Variants in FRMD4A observed in about 807,000 individuals in gnomAD.
FRMD4A encodes the protein FERM domain-containing protein 4A.
FRMD4A carries 29 observed loss-of-function variants against 129.1 expected under a neutral mutation model. The ratio of observed to expected loss-of-function variants is 0.22; its 90% CI spans 0.17 to 0.31. The LOEUF is 0.31. Ranked by LOEUF, FRMD4A falls within the 10% of genes least tolerant of loss-of-function variation. FRMD4A has a pLI of 1.00. For missense variants in FRMD4A, 1,272 were observed against 1,375.8 expected (o/e 0.92, Z 1.19); for synonymous variants, 634 against 571.6 (o/e 1.11, Z -1.56).
chr10:13,659,557 GTT>G, intron 20 of FRMD4A, 67 bp from the exon 21 acceptor site: 1 of 1,479,184 alleles, frequency 6.8e-7, no homozygotes, highest in South Asian at 1.2e-5. Context: ...GGGCTGGCTA[GTT>G]CAGGACAATG....
chr10:13,973,869 TG>T (rs2095530790), intron 2 of FRMD4A, among the ~76,000 whole-genome samples: 1 of 146,134 alleles, frequency 6.8e-6, no homozygotes. Flanking sequence ...CTAACTGCAT[TG>T]GTATTTTCAT....
In FRMD4A at chr10:14,240,101, T is replaced by C. The variant is rs371556918; in HGVS notation, c.45+89957A>G. ...TAGAGTCTACTATGTTGATGGTTGC[T>C]AGAGTCACCATCCCAATACTGATGG... On this transcript the variant is annotated intron_variant, in intron 2 of 24. Coordinates refer to ENST00000357447, the MANE Select transcript of FRMD4A (RefSeq NM_018027.5). 7.2e-5 allele frequency among the ~76,000 whole-genome samples: 11 copies of C among 152,338 alleles called. No homozygotes were observed. The East Asian group carries it at 1.3e-3, about 19-fold the overall frequency.
chr10:13,815,936 T>C (rs2093535065), intron 3 of FRMD4A, among the ~76,000 whole-genome samples: 1 of 152,198 alleles, frequency 6.6e-6, no homozygotes, highest in Non-Finnish European at 1.5e-5. Flanking sequence ...TGGTGATATG[T>C]CTCTCTGATT....
intron 2 of FRMD4A, among the ~76,000 whole-genome samples, chr10:14,073,916 A>G (rs573507417): frequency 1.3e-5 from 2 of 152,250 alleles, no homozygotes; most frequent in African/African-American, 2.4e-5. Flanking sequence ...GTTCAAGACT[A>G]GACTGGGCAA....
At chr10:14,084,189 C>T (rs1588938203) in intron 2 of FRMD4A, among the ~76,000 whole-genome samples, 2 of 152,156 alleles carry the variant, frequency 1.3e-5, no homozygotes, top group Non-Finnish European at 1.5e-5. Context: ...ATCTGTTGCC[C>T]GGGCTGGAGT....
rs1206999153 is a variant in FRMD4A at position 14,184,120 on chromosome 10, CTTTTCT to C, written c.45+145932_45+145937del. Among the ~76,000 whole-genome samples, 5 of 99,642 alleles carry C rather than the reference CTTTTCT, an allele frequency of 5.0e-5. No individual in the cohort carries two copies. In the East Asian group the frequency reaches 1.2e-3, roughly 24 times the overall value. The allele number at this position is 99,642 out of a possible 152,430, so 65.4% of individuals were successfully genotyped here. On this transcript the variant is annotated intron_variant, in intron 2 of 24. Coordinates refer to ENST00000357447, the MANE Select transcript of FRMD4A (RefSeq NM_018027.5). ...ACATTTCCTTTTTTGTTTTTCTTTT[CTTTTCT>C]TTTTTTTTTTTTTTTTTTTTTTTGA...
intron 24 of FRMD4A, among the ~76,000 whole-genome samples, chr10:13,648,926 A>T (rs1355696344): frequency 1.3e-5 from 2 of 152,168 alleles, no homozygotes; most frequent in African/African-American, 4.8e-5. Flanking sequence ...CTGAGGGGAA[A>T]AAAAGCTTCC....
chr10:13,692,402 C>A (rs1589401976), intron 15 of FRMD4A: 1 of 152,202 alleles, frequency 6.6e-6, no homozygotes, highest in Non-Finnish European at 1.5e-5. Context: ...CCTGCCTTGG[C>A]CTCCCAAAGT....
chr10:14,009,836 C>T (rs183484129), intron 2 of FRMD4A, among the ~76,000 whole-genome samples: 2 of 152,216 alleles, frequency 1.3e-5, no homozygotes, highest in East Asian at 3.9e-4. Flanking sequence ...AACCTCTTAA[C>T]CACGGCTCAC....
Position 13,856,217 on chromosome 10 carries a change from AGTGTGTGTGTGTGTGTGTGTGT to A in FRMD4A, c.111+2608_111+2629del, listed in dbSNP as rs36225405. 4.2e-3 allele frequency among the ~76,000 whole-genome samples: 609 copies of A among 146,004 alleles called. 4 individuals are homozygous for A. The highest frequency in any genetic ancestry group is 0.015 in the African/African-American group (574 of 39,504). On this transcript the variant is annotated intron_variant, in intron 3 of 24. Transcript: ENST00000357447. ...TGTATCTATAGATGGATTTTGTGCA[AGTGTGTGTGTGTGTGTGTGTGT>A]GTGTGTGTGTGTGTGTGTGTGTTAA... is the stretch of plus-strand genomic sequence containing the variant.
intron 2 of FRMD4A, among the ~76,000 whole-genome samples, chr10:14,321,402 A>T (rs1843044732): frequency 1.3e-5 from 2 of 151,784 alleles, no homozygotes; most frequent in South Asian, 4.2e-4. Context: ...AGAGGAAGGT[A>T]GAATAGCACT....
intron 2 of FRMD4A, among the ~76,000 whole-genome samples, chr10:14,080,861 A>T (rs926259150): frequency 6.6e-6 from 1 of 151,766 alleles, no homozygotes; most frequent in South Asian, 2.1e-4. Flanking sequence ...TCCAGGAGAT[A>T]AATTCGTCAA....
At chr10:14,236,585 G>A (rs201104509) in intron 2 of FRMD4A, among the ~76,000 whole-genome samples, 3 of 152,152 alleles carry the variant, frequency 2.0e-5, no homozygotes, top group East Asian at 3.9e-4. Flanking sequence ...TGGATGCTGA[G>A]GACCAGACAA....
intron 2 of FRMD4A, among the ~76,000 whole-genome samples, chr10:13,908,522 T>A (rs1339359175): frequency 6.6e-6 from 1 of 152,242 alleles, no homozygotes; most frequent in Non-Finnish European, 1.5e-5. Context: ...TTTATCAATA[T>A]GAGTGTTTTT....
At chr10:13,884,208 TCA>T (rs747364370) in intron 2 of FRMD4A, among the ~76,000 whole-genome samples, 1,561 of 81,582 alleles carry the variant, frequency 0.019, 36 homozygotes, top group Middle Eastern at 0.029. Context: ...ACACACACAC[TCA>T]CACACACACA....
At chr10:13,892,892 G>T (rs1268213984) in intron 2 of FRMD4A, among the ~76,000 whole-genome samples, 1 of 152,096 alleles carries the variant, frequency 6.6e-6, no homozygotes, top group Non-Finnish European at 1.5e-5. Context: ...CCAGTCACAG[G>T]TCCTGTGTTG....
chr10:14,222,666 C>T (rs1843299764), intron 2 of FRMD4A, among the ~76,000 whole-genome samples: 1 of 152,298 alleles, frequency 6.6e-6, no homozygotes, highest in African/African-American at 2.4e-5. Context: ...CCATCCCTCT[C>T]CCTCCCCACT....
chr10:14,279,946 GA>G lies in FRMD4A; in HGVS notation c.45+50111del, dbSNP rs1328159853. 2.6e-5 allele frequency among the ~76,000 whole-genome samples: 4 copies of G among 152,342 alleles called. 1 individual carries two copies. Among genetic ancestry groups the G allele is most frequent in the South Asian group, 4.1e-4 (2 of 4,828 alleles). On this transcript the variant is annotated intron_variant, in intron 2 of 24. Transcript: ENST00000357447. ...TTTACAAATGAGTAAACTGAGGTCA[GA>G]AAGGTGGGATTGTTCAACAGTTAGA...
chr10:13,717,153 G>C (rs1457850832), intron 12 of FRMD4A, among the ~76,000 whole-genome samples: 1 of 152,130 alleles, frequency 6.6e-6, no homozygotes, highest in Non-Finnish European at 1.5e-5. Context: ...AAAAAGCCAA[G>C]GCTAATTCTA....
Sources: allele counts gnomAD v4.1 joint callset (sites outside exome capture counted in the v4.1 genomes callset), GRCh38; gene constraint gnomAD v4.1.1; transcripts MANE v1.5; gene names NCBI Gene and HGNC (gene_info 2026-07-23, HGNC 2026-07-21).